The following WDR72 variants were observed in gnomAD, a reference collection of about 807,000 sequenced individuals.
The protein encoded by WDR72 is WD repeat domain 72.
Under a neutral mutation model 124.2 loss-of-function variants are expected in WDR72, and 120 were observed. The ratio of observed to expected loss-of-function variants is 0.97; its 90% CI spans 0.83 to 1.12. The LOEUF (loss-of-function observed/expected upper bound fraction) is 1.12, where lower values mean the gene tolerates loss of function less well. Ranked by LOEUF, WDR72 falls within the 50% of genes most tolerant of loss-of-function variation. The probability of loss-of-function intolerance (pLI) is 0.00; values close to 1 mark genes in which losing one functional copy is unlikely to be tolerated. For missense variants in WDR72, 1,387 were observed against 1,278.8 expected (o/e 1.08, Z -1.29); for synonymous variants, 452 against 441.7 (o/e 1.02, Z -0.29).
chr15:53,586,372 G>A (rs191215494), intron 18 of WDR72, among the ~76,000 whole-genome samples: 1 of 152,158 alleles, frequency 6.6e-6, no homozygotes, highest in East Asian at 1.9e-4. Flanking sequence ...CATGTTGTAA[G>A]CCAAAGTTTT....
intron 18 of WDR72, among the ~76,000 whole-genome samples, chr15:53,580,013 C>T (rs1012720020): frequency 6.6e-5 from 10 of 152,130 alleles, no homozygotes; most frequent in African/African-American, 1.2e-4. Flanking sequence ...GGACCCCTCA[C>T]GTGGCTGGTA....
intron 18 of WDR72, among the ~76,000 whole-genome samples, chr15:53,536,815 T>C (rs1892787992): frequency 6.6e-6 from 1 of 152,220 alleles, no homozygotes; most frequent in African/African-American, 2.4e-5. Context: ...AACACTGGGC[T>C]GCAGTAGCTG....
chr15:53,752,770 ATATT>A (rs2018805352), intron 1 of WDR72, among the ~76,000 whole-genome samples: 2 of 152,190 alleles, frequency 1.3e-5, no homozygotes, highest in Non-Finnish European at 1.5e-5. Flanking sequence ...CCTGAAACAT[ATATT>A]TAAATTTTAG....
rs577572781 is a variant in WDR72 at position 53,753,746 on chromosome 15, C to A, written c.-13+5887G>T. Among the ~76,000 whole-genome samples, 72 of 152,310 alleles carry A rather than the reference C, an allele frequency of 4.7e-4. No individual in the cohort carries two copies. The South Asian group carries it at 0.015, about 31-fold the overall frequency. On this transcript the variant is annotated intron_variant, in intron 1 of 19. Transcript: ENST00000360509. ...CTTGCCTCTTTTCTCAGTGTTAAGG[C>A]ACAGTGTTGTATACTCAATTCAGCA...
chr15:53,599,028 A>C (rs992949628), intron 17 of WDR72, among the ~76,000 whole-genome samples: 27 of 151,894 alleles, frequency 1.8e-4, no homozygotes, highest in Non-Finnish European at 3.1e-4. Flanking sequence ...GGAGGCTGAG[A>C]CAGGATGATT....
chr15:53,724,478 C>A (rs1438154728), intron 2 of WDR72, among the ~76,000 whole-genome samples: 1 of 152,146 alleles, frequency 6.6e-6, no homozygotes, highest in Non-Finnish European at 1.5e-5. Context: ...TGGGAAGCCT[C>A]GGGAAACTTA....
chr15:53,637,650 A>T (rs2014674524), intron 14 of WDR72, among the ~76,000 whole-genome samples: 1 of 151,954 alleles, frequency 6.6e-6, no homozygotes, highest in African/African-American at 2.4e-5. Flanking sequence ...CTCATTTCCA[A>T]GTGTGTGCTT....
intron 18 of WDR72, among the ~76,000 whole-genome samples, chr15:53,553,409 A>G (rs1393047073): frequency 2.0e-5 from 3 of 152,160 alleles, no homozygotes; most frequent in African/African-American, 7.2e-5. Flanking sequence ...TTTTCGTGTT[A>G]TGTAGCACGG....
chr15:53,715,150 T>C, intron 5 of WDR72, 43 bp downstream of exon 5: 1 of 1,599,020 alleles, frequency 6.3e-7, no homozygotes, highest in Middle Eastern at 1.7e-4. Context: ...GTAGATATTT[T>C]TATATGCAAT....
Position 53,609,670 on chromosome 15 carries a change from G to C in WDR72, c.2873-78C>G, listed in dbSNP as rs529481815. 8 of 1,215,994 alleles carry C rather than the reference G, an allele frequency of 6.6e-6. No homozygotes were observed. The Admixed American group carries it at 1.4e-4, about 21-fold the overall frequency. 75.3% of individuals were successfully genotyped at this position (1,215,994 alleles called of 1,614,324 possible). On this transcript the variant is annotated intron_variant, in intron 16 of 19. Coordinates refer to ENST00000360509, the MANE Select transcript of WDR72 (RefSeq NM_182758.4). ...GGCTCTTAAGATGGGCTGCATATTA[G>C]AATCACCTGGGAAGCTTTGTTTTTT...
At chr15:53,749,348 G>A (rs1005795556) in intron 1 of WDR72, among the ~76,000 whole-genome samples, 18 of 152,054 alleles carry the variant, frequency 1.2e-4, no homozygotes, top group African/African-American at 3.9e-4. Context: ...GTCTGTGATC[G>A]TAAATATCAC....
At chr15:53,523,833 A>T (rs1891954515) in intron 18 of WDR72, among the ~76,000 whole-genome samples, 1 of 152,064 alleles carries the variant, frequency 6.6e-6, no homozygotes, top group South Asian at 2.1e-4. Context: ...GTACTATAAA[A>T]AGTAAATTTT....
intron 18 of WDR72, among the ~76,000 whole-genome samples, chr15:53,559,472 T>C (rs1030103361): frequency 1.3e-5 from 2 of 152,050 alleles, no homozygotes; most frequent in African/African-American, 4.8e-5. Flanking sequence ...TTCCTTTCCT[T>C]GCCCTGTCAT....
intron 14 of WDR72, among the ~76,000 whole-genome samples, chr15:53,634,126 T>G (rs1309107478): frequency 6.6e-6 from 1 of 152,232 alleles, no homozygotes; most frequent in African/African-American, 2.4e-5. Flanking sequence ...ATGTAAGTTA[T>G]AAAATATTTA....
chr15:53,625,471 C>A (rs1404505209), intron 14 of WDR72, among the ~76,000 whole-genome samples: 1 of 152,278 alleles, frequency 6.6e-6, no homozygotes, highest in Non-Finnish European at 1.5e-5. Flanking sequence ...CACTAAAGAA[C>A]AATCCATTCC....
chr15:53,705,153 AAT>A lies in WDR72; in HGVS notation c.1181_1182del (p.Tyr394PhefsTer5). On this transcript the variant is annotated frameshift_variant, in exon 11 of 20. Coordinates refer to ENST00000360509, the MANE Select transcript of WDR72 (RefSeq NM_182758.4). LOFTEE classifies it high-confidence loss of function. ...CCTGCCCCATCTTTAAGCCCAGAGA[AAT>A]AGTCAATAATACTTTGTGACATAGT... is the stretch of plus-strand genomic sequence containing the variant. Reference protein sequence around the residue: ...HDTMSQSIIDYFSGLKDGAGT... With the variant: ...HDTMSQSIIDXFSGLKDGAGT... 1 of 1,614,148 alleles carries A rather than the reference AAT, an allele frequency of 6.2e-7. No homozygotes were observed. The highest frequency in any genetic ancestry group is 8.5e-7 in the Non-Finnish European group (1 of 1,180,018).
chr15:53,553,710 T>C (rs1362061428), intron 18 of WDR72, among the ~76,000 whole-genome samples: 1 of 152,182 alleles, frequency 6.6e-6, no homozygotes, highest in Non-Finnish European at 1.5e-5. Flanking sequence ...TGTGACTCTT[T>C]CACTTCATTT....
intron 1 of WDR72, among the ~76,000 whole-genome samples, chr15:53,753,393 C>A (rs534640547): frequency 6.6e-6 from 1 of 152,344 alleles, no homozygotes; most frequent in African/African-American, 2.4e-5. Flanking sequence ...CCAGGGAAGA[C>A]TTTAAACTCA....
At chr15:53,586,021 T>C (rs998162061) in intron 18 of WDR72, among the ~76,000 whole-genome samples, 3 of 152,064 alleles carry the variant, frequency 2.0e-5, no homozygotes, top group African/African-American at 7.2e-5. Context: ...TACAGTAATG[T>C]GAATGTTAAT....
Sources: allele counts gnomAD v4.1 joint callset (sites outside exome capture counted in the v4.1 genomes callset), GRCh38; gene constraint gnomAD v4.1.1; transcripts MANE v1.5; gene names NCBI Gene and HGNC (gene_info 2026-07-23, HGNC 2026-07-21).